SLC39A10: variants seen among roughly 807,000 people sequenced by gnomAD.
The protein encoded by SLC39A10 is zinc transporter ZIP10.
Under a neutral mutation model 65.1 loss-of-function variants are expected in SLC39A10, and 13 were observed. That is an observed-to-expected ratio of 0.20 (90% CI 0.13 to 0.32). SLC39A10 has a LOEUF of 0.32. SLC39A10 is among the 10% of genes least tolerant of loss of function. SLC39A10 has a pLI of 1.00. For synonymous variants in SLC39A10, 321 were observed against 342.2 expected, an observed-to-expected ratio of 0.94 and a Z score of 0.68; for missense variants, 831 against 1,018.4, an observed-to-expected ratio of 0.82 and a Z score of 2.50.
chr2:195,626,111 C>T (rs867681947), intron 2 of SLC39A10, among the ~76,000 whole-genome samples: 10 of 152,110 alleles, frequency 6.6e-5, no homozygotes, highest in Non-Finnish European at 1.5e-4. Flanking sequence ...CAAAGAGAAG[C>T]TCTTAATTTA....
intron 2 of SLC39A10, among the ~76,000 whole-genome samples, chr2:195,633,963 T>C (rs1187592090): frequency 6.6e-6 from 1 of 152,246 alleles, no homozygotes; most frequent in East Asian, 1.9e-4. Context: ...TGCCCTTTTC[T>C]GCCTAGAATT....
At chr2:195,652,855 G>C (rs1444549843), upstream of SLC39A10, among the ~76,000 whole-genome samples, 1 of 152,210 alleles carries the variant, frequency 6.6e-6, no homozygotes, top group Non-Finnish European at 1.5e-5. Flanking sequence ...ATTACTGCCT[G>C]AGTTCCACCT....
At chr2:195,721,415 A>G (rs1170222014) in intron 8 of SLC39A10, among the ~76,000 whole-genome samples, 16 of 151,948 alleles carry the variant, frequency 1.1e-4, no homozygotes, top group African/African-American at 2.4e-5. Flanking sequence ...GGCTGGCCCA[A>G]ATACTTCTAT....
chr2:195,658,354 C>G (rs1472810475), intron 1 of SLC39A10: 1 of 152,080 alleles, frequency 6.6e-6, no homozygotes, highest in Non-Finnish European at 1.5e-5. Context: ...TTGGAAGGGT[C>G]GTTCACTCGA....
intron 1 of SLC39A10, among the ~76,000 whole-genome samples, chr2:195,657,799 CTCTGG>C (rs199902684): frequency 0.015 from 2,334 of 152,302 alleles, 59 homozygotes; most frequent in African/African-American, 0.053. Flanking sequence ...CAGTCCTTCT[CTCTGG>C]TCTGTAATGG....
At chr2:195,652,561 A>AG (rs1559016135), upstream of SLC39A10, among the ~76,000 whole-genome samples, 1 of 151,764 alleles carries the variant, frequency 6.6e-6, no homozygotes, top group African/African-American at 2.4e-5. Flanking sequence ...AAAAAAAAAA[A>AG]AAAGAAAGAA....
chr2:195,699,731 T>C (rs558852428), intron 3 of SLC39A10, among the ~76,000 whole-genome samples: 2 of 152,202 alleles, frequency 1.3e-5, no homozygotes, highest in African/African-American at 2.4e-5. Context: ...TCCATGTGCA[T>C]TGATGAATGT....
intron 5 of SLC39A10, among the ~76,000 whole-genome samples, chr2:195,712,657 A>G (rs1691642179): frequency 6.6e-6 from 1 of 152,236 alleles, no homozygotes. Context: ...AAGAGTTGTT[A>G]GTGGTAGTTA....
At chr2:195,651,406 G>A (rs1388261907) in intron 2 of SLC39A10, among the ~76,000 whole-genome samples, 1 of 152,160 alleles carries the variant, frequency 6.6e-6, no homozygotes, top group Non-Finnish European at 1.5e-5. Flanking sequence ...CTCTAAAAAT[G>A]AATAGTAGCT....
intron 3 of SLC39A10, among the ~76,000 whole-genome samples, chr2:195,700,142 A>G (rs1691120510): frequency 6.6e-6 from 1 of 152,142 alleles, no homozygotes; most frequent in Admixed American, 6.5e-5. Context: ...TATATAACAC[A>G]TAGTTGACTC....
chr2:195,671,473 GA>G (rs781064374), intron 1 of SLC39A10, among the ~76,000 whole-genome samples: 1 of 152,080 alleles, frequency 6.6e-6, no homozygotes, highest in Non-Finnish European at 1.5e-5. Flanking sequence ...CAGCTGAACT[GA>G]AAAAATATTA....
chr2:195,663,870 C>T (rs1440470295), intron 1 of SLC39A10, among the ~76,000 whole-genome samples: 3 of 148,348 alleles, frequency 2.0e-5, no homozygotes, highest in Non-Finnish European at 3.0e-5. Flanking sequence ...TTGTGTGATG[C>T]TGAAGTTTGG....
intron 1 of SLC39A10, among the ~76,000 whole-genome samples, chr2:195,662,579 T>C (rs552904445): frequency 1.3e-5 from 2 of 152,312 alleles, no homozygotes; most frequent in African/African-American, 4.8e-5. Flanking sequence ...CAGCCTATGC[T>C]ATTACTTTAA....
chr2:195,709,336 A>G (rs372427588), intron 5 of SLC39A10, among the ~76,000 whole-genome samples: 1 of 152,122 alleles, frequency 6.6e-6, no homozygotes, highest in Non-Finnish European at 1.5e-5. Context: ...GGTTCAAGCA[A>G]TTCTTGTGCC....
intron 2 of SLC39A10, among the ~76,000 whole-genome samples, chr2:195,632,746 T>G (rs1688615191): frequency 8.9e-6 from 1 of 112,576 alleles, no homozygotes; most frequent in Non-Finnish European, 1.8e-5. Context: ...AAGATAGCAC[T>G]TATTTATTTT....
intron 1 of SLC39A10, among the ~76,000 whole-genome samples, chr2:195,660,646 T>C (rs1330730711): frequency 6.6e-6 from 1 of 152,236 alleles, no homozygotes; most frequent in East Asian, 1.9e-4. Context: ...TTCTGATTGC[T>C]TTTAGCCCCC....
intron 3 of SLC39A10, among the ~76,000 whole-genome samples, chr2:195,696,683 C>G (rs1381168534): frequency 6.6e-6 from 1 of 151,974 alleles, no homozygotes; most frequent in East Asian, 1.9e-4. Context: ...CTACTAGTAG[C>G]CTACTGTTGA....
At chr2:195,656,777 G>A (rs911408423), upstream of SLC39A10, 2 of 152,224 alleles carry the variant, frequency 1.3e-5, no homozygotes, top group African/African-American at 2.4e-5. Flanking sequence ...TTTGGCTAAA[G>A]CGTTTGGGTT....
At position 195,737,019 on chromosome 2, in the gene SLC39A10, C is replaced by A. The variant is rs1403868138; in HGVS notation, c.*1978C>A. 1 of 134,312 alleles carries A rather than the reference C, an allele frequency of 7.4e-6. No individual in the cohort carries two copies. Among genetic ancestry groups the A allele is most frequent in the African/African-American group, 2.6e-5 (1 of 37,964 alleles). 8.3% of individuals were successfully genotyped at this position (134,312 alleles called of 1,614,324 possible). A position where few individuals can be genotyped will look rare whatever the true frequency, so the allele number is the denominator to read the frequency against. On this transcript the variant is annotated 3_prime_UTR_variant, in exon 10 of 10. Coordinates refer to ENST00000359634, the MANE Select transcript of SLC39A10 (RefSeq NM_020342.3). ...TTATAAAAGCAATAGCTGGAATATA[C>A]TCCCAGTTTTAAAATAAATGCCTGA...
Sources: gnomAD v4.1 joint callset for allele counts (sites outside exome capture counted in the v4.1 genomes callset) on GRCh38, gnomAD v4.1.1 for gene constraint, MANE v1.5 for transcripts, NCBI Gene and HGNC (gene_info 2026-07-23, HGNC 2026-07-21) for gene names.